Variants in FAM186A observed in about 807,000 individuals in gnomAD.
The protein encoded by FAM186A is family with sequence similarity 186 member A.
A neutral mutation model predicts 216.8 loss-of-function variants in FAM186A; 163 were observed. That is an observed-to-expected ratio of 0.75 (90% CI 0.66 to 0.86). The LOEUF (loss-of-function observed/expected upper bound fraction) is 0.86. Ranked by LOEUF, FAM186A falls within the 40% of genes least tolerant of loss-of-function variation. FAM186A has a pLI of 0.00. For missense variants in FAM186A, 2,184 were observed against 2,746.2 expected (o/e 0.80, Z 4.58); for synonymous variants, 805 against 1,025.3 (o/e 0.79, Z 4.10).
chr12:50,357,729 G>A (rs1430164856), intron 3 of FAM186A, among the ~76,000 whole-genome samples: 1 of 152,128 alleles, frequency 6.6e-6, no homozygotes, highest in Non-Finnish European at 1.5e-5. Flanking sequence ...TGCAAACTTG[G>A]AGTCGCGTCC....
At chr12:50,371,587 G>A (rs1943142862) in intron 1 of FAM186A, among the ~76,000 whole-genome samples, 1 of 152,056 alleles carries the variant, frequency 6.6e-6, no homozygotes, top group South Asian at 2.1e-4. Context: ...GAGGTATCTA[G>A]AATAGTTGAA....
intron 4 of FAM186A, among the ~76,000 whole-genome samples, chr12:50,346,264 A>AGAAAGAAAGAAAGAAAGAAAGAAAGAAG: frequency 6.6e-6 from 1 of 150,850 alleles, no homozygotes; most frequent in Non-Finnish European, 1.5e-5. Flanking sequence ...AAAGAAAGAA[A>AGAAAGAAAGAAAGAAAGAAAGAAAGAAG]GTCATACAGA....
chr12:50,394,860 C>A (rs575583584), intron 1 of FAM186A, among the ~76,000 whole-genome samples: 18 of 148,552 alleles, frequency 1.2e-4, no homozygotes, highest in Non-Finnish European at 2.2e-4. Context: ...TCCCGAGTAG[C>A]TGGGACTGCA....
intron 4 of FAM186A, among the ~76,000 whole-genome samples, chr12:50,335,090 C>T (rs748964906): frequency 2.4e-4 from 37 of 151,552 alleles, no homozygotes; most frequent in African/African-American, 8.0e-4. Context: ...AGTAAGACTC[C>T]GTCTCTGCAA....
chr12:50,358,602 A>G (rs1422595699), intron 3 of FAM186A, among the ~76,000 whole-genome samples: 2 of 150,784 alleles, frequency 1.3e-5, no homozygotes, highest in African/African-American at 2.4e-5. Flanking sequence ...AAAACAAAAC[A>G]AAAACCTATA....
chr12:50,375,899 G>A (rs887309350), intron 1 of FAM186A, among the ~76,000 whole-genome samples: 4 of 151,906 alleles, frequency 2.6e-5, no homozygotes, highest in Admixed American at 6.6e-5. Context: ...CCCTCAGATC[G>A]TGATACCGGC....
At chr12:50,393,047 C>T (rs1287839328) in intron 1 of FAM186A, among the ~76,000 whole-genome samples, 1 of 151,468 alleles carries the variant, frequency 6.6e-6, no homozygotes, top group Non-Finnish European at 1.5e-5. Flanking sequence ...CTGCCTCAGC[C>T]TCCCGAGTGG....
rs1942946846 is a variant in FAM186A, at chr12:50,354,246, T to C, written c.2586A>G (p.Glu862=). 5.8e-6 allele frequency: 9 copies of C among 1,551,524 alleles called. 1 individual carries two copies. The South Asian group carries it at 9.5e-5, about 16-fold the overall frequency. ...TCATCTGGAGCCATGCCTTTTTTTC[T>C]TCCCAATTCTCACTTATCTTCTCAT... ...EHYEKISENW[E]EKKAWLQMKE... Residue 862 remains glutamate, a synonymous_variant, in exon 4 of 8, where the codon GAA becomes GAG. Coordinates refer to ENST00000327337, the MANE Select transcript of FAM186A (RefSeq NM_001145475.3).
Position 50,354,865 on chromosome 12 carries a change from A to G in FAM186A, c.1967T>C (p.Val656Ala), listed in dbSNP as rs1322006731. Residue 656 changes from valine (V) to alanine (A), a missense_variant, in exon 4 of 8, where the codon GTT becomes GCT. Physicochemically the swap from Val to Ala is moderately conservative, Grantham distance 64 (BLOSUM62 0). Coordinates refer to ENST00000327337, the MANE Select transcript of FAM186A (RefSeq NM_001145475.3). ...ACTTTTGCCATCTGGACTTTCTAGA[A>G]CTCTGGTAGATTCTGAAGTCTCTTT... ...VAKETSESTR[V>A]LESPDGKSEQ... The G allele has an allele frequency of 4.5e-6, 7 of 1,549,114 alleles. No individual in the cohort carries two copies. Among genetic ancestry groups the G allele is most frequent in the Non-Finnish European group, 6.1e-6 (7 of 1,146,564 alleles).
intron 4 of FAM186A, among the ~76,000 whole-genome samples, chr12:50,346,984 T>G (rs1411736295): frequency 3.2e-5 from 4 of 124,668 alleles, no homozygotes; most frequent in Non-Finnish European, 6.6e-5. Context: ...GGTGACAGAG[T>G]AAGACTCTGT....
chr12:50,366,340 C>T lies in FAM186A; in HGVS notation c.193-2976G>A, dbSNP rs147248739. ...CAAAGAAAAGATACTACTAACTCCT[C>T]ATAAATTCTCCCAGAAAAGTGAAGA... On this transcript the variant is annotated intron_variant, in intron 1 of 7. Transcript: ENST00000327337. 1.1e-3 allele frequency among the ~76,000 whole-genome samples: 172 copies of T among 152,260 alleles called. 1 individual carries two copies. Among genetic ancestry groups the T allele is most frequent in the African/African-American group, 3.8e-3 (156 of 41,572 alleles).
chr12:50,342,738 G>C (rs918733853), intron 4 of FAM186A, among the ~76,000 whole-genome samples: 1 of 149,598 alleles, frequency 6.7e-6, no homozygotes, highest in Non-Finnish European at 1.5e-5. Context: ...CTCCCAAAGT[G>C]CTGGGATTAC....
intron 6 of FAM186A, 26 bp from the exon 7 acceptor site, chr12:50,330,784 C>T (rs926411483): frequency 1.7e-5 from 26 of 1,493,180 alleles, no homozygotes; most frequent in African/African-American, 1.1e-4. Flanking sequence ...AAATTGGGAA[C>T]GCCAAATTCT....
chr12:50,364,209 A>G (rs1205122786), intron 1 of FAM186A, among the ~76,000 whole-genome samples: 1 of 151,596 alleles, frequency 6.6e-6, no homozygotes, highest in African/African-American at 2.4e-5. Context: ...TCATGTAGGA[A>G]AAAAAAAATC....
At chr12:50,377,834 C>A (rs201209185) in intron 1 of FAM186A, among the ~76,000 whole-genome samples, 97 of 139,864 alleles carry the variant, frequency 6.9e-4, no homozygotes, top group South Asian at 8.9e-4. Flanking sequence ...AACTCCACCT[C>A]AAAAAAAAAA....
chr12:50,386,888 A>AC (rs1479161485), intron 1 of FAM186A, among the ~76,000 whole-genome samples: 1 of 152,126 alleles, frequency 6.6e-6, no homozygotes, highest in East Asian at 1.9e-4. Flanking sequence ...AAAAAAAAAA[A>AC]AAAATTCAAC....
At chr12:50,361,084 T>A (rs1406577231) in intron 2 of FAM186A, among the ~76,000 whole-genome samples, 158 bp from the exon 3 acceptor site, 2 of 152,174 alleles carry the variant, frequency 1.3e-5, no homozygotes, top group Non-Finnish European at 2.9e-5. Context: ...TATGAAGAAA[T>A]TAAAAAGGAA....
chr12:50,372,593 CAA>C (rs780884165), intron 1 of FAM186A, among the ~76,000 whole-genome samples: 8 of 118,858 alleles, frequency 6.7e-5, no homozygotes, highest in Admixed American at 9.0e-5. Context: ...GACTCTGTCT[CAA>C]AAAAAAAAAA....
chr12:50,368,665 T>G (rs1943113365), intron 1 of FAM186A, among the ~76,000 whole-genome samples: 1 of 151,498 alleles, frequency 6.6e-6, no homozygotes, highest in Admixed American at 6.6e-5. Flanking sequence ...AATAGAAAAA[T>G]TCATCCTAAA....
Sources: gnomAD v4.1 joint callset for allele counts (sites outside exome capture counted in the v4.1 genomes callset) on GRCh38, gnomAD v4.1.1 for gene constraint, MANE v1.5 for transcripts, NCBI Gene and HGNC (gene_info 2026-07-23, HGNC 2026-07-21) for gene names.